LRP1B: variants seen among roughly 807,000 people sequenced by gnomAD.
The protein encoded by LRP1B is low-density lipoprotein receptor-related protein 1B.
In LRP1B, 217 loss-of-function variants were observed where a neutral mutation model predicts 556.6. The ratio of observed to expected loss-of-function variants is 0.39; its 90% CI spans 0.35 to 0.44. LRP1B has a LOEUF of 0.44. Among genes scored for constraint, LRP1B ranks in the 20% least tolerant of loss-of-function variants. The probability of loss-of-function intolerance (pLI) is 1.00; values close to 1 mark genes in which losing one functional copy is unlikely to be tolerated. For synonymous variants in LRP1B, 2,047 were observed against 1,865.8 expected (o/e 1.10, Z -2.50); for missense variants, 5,053 against 5,620.8 (o/e 0.90, Z 3.23).
In LRP1B at chr2:141,577,250, C is replaced by T. The variant is rs76483564; in HGVS notation, c.206-96717G>A. Among the ~76,000 whole-genome samples the T allele has an allele frequency of 2.9e-3, 440 of 152,168 alleles. 2 individuals carry two copies. The highest frequency in any genetic ancestry group is 0.01 in the African/African-American group (420 of 41,528). On this transcript the variant is annotated intron_variant, in intron 2 of 90. Coordinates refer to ENST00000389484, the MANE Select transcript of LRP1B (RefSeq NM_018557.3). Reference sequence around the variant, plus strand: ...GGATGAAAACATCCTAGAAGAATGACTTGGTTTTTGTCTGTGTGTTGTTTC... The same window carrying T: ...GGATGAAAACATCCTAGAAGAATGATTTGGTTTTTGTCTGTGTGTTGTTTC...
At chr2:140,438,481 A>G (rs1401119) in intron 66 of LRP1B, among the ~76,000 whole-genome samples, 1,865 of 152,340 alleles carry the variant, frequency 0.012, 36 homozygotes, top group African/African-American at 0.042. Flanking sequence ...TAACTTATAA[A>G]TGTAAGCTTA....
chr2:141,492,094 C>T (rs146756762), intron 2 of LRP1B, among the ~76,000 whole-genome samples: 9,591 of 27,978 alleles, frequency 0.34, 570 homozygotes, highest in South Asian at 0.43. Flanking sequence ...AAAAAAAACA[C>T]TAAGAAAACC....
chr2:140,492,163 T>C (rs973798106), intron 57 of LRP1B, among the ~76,000 whole-genome samples: 12 of 152,208 alleles, frequency 7.9e-5, no homozygotes, highest in Admixed American at 2.0e-4. Flanking sequence ...TCCTACTAGC[T>C]AGTGAATATT....
At chr2:141,525,635 C>T (rs1401616914) in intron 2 of LRP1B, among the ~76,000 whole-genome samples, 2 of 151,980 alleles carry the variant, frequency 1.3e-5, no homozygotes, top group Non-Finnish European at 2.9e-5. Context: ...AGAACAATTA[C>T]ACTGGACTGG....
In LRP1B at chr2:140,509,925, T is replaced by C. The variant is rs2104916685; in HGVS notation, c.8398+3A>G. 6.2e-7 allele frequency: 1 copy of C among 1,612,802 alleles called. No homozygotes were observed. The highest frequency in any genetic ancestry group is 8.5e-7 in the Non-Finnish European group (1 of 1,179,684). On this transcript the variant is annotated splice_donor_region_variant and intron_variant, in intron 52 of 90. Coordinates refer to ENST00000389484, the MANE Select transcript of LRP1B (RefSeq NM_018557.3). ...GACATGCAGCCCTGGCCAGTGTTCA[T>C]ACCGCAGCCTGCTGTGGAAAGCTCA...
intron 35 of LRP1B, among the ~76,000 whole-genome samples, chr2:140,761,195 T>C (rs1688908467): frequency 6.6e-6 from 1 of 152,184 alleles, no homozygotes; most frequent in African/African-American, 2.4e-5. Context: ...CCATAAACTT[T>C]TACATTAATA....
chr2:140,598,882 A>G (rs1682547105), intron 42 of LRP1B, 47 bp from the exon 43 acceptor site: 3 of 1,287,066 alleles, frequency 2.3e-6, no homozygotes, highest in Non-Finnish European at 3.3e-6. Flanking sequence ...TCTCATCAAG[A>G]GTAAAAATAC....
At chr2:140,707,873 G>C (rs1401626578) in intron 37 of LRP1B, among the ~76,000 whole-genome samples, 1 of 152,052 alleles carries the variant, frequency 6.6e-6, no homozygotes, top group Admixed American at 6.6e-5. Flanking sequence ...AGAACCCTGT[G>C]CTAAAAGGAT....
chr2:140,566,946 C>A (rs565977163), intron 43 of LRP1B, among the ~76,000 whole-genome samples: 44 of 152,202 alleles, frequency 2.9e-4, no homozygotes, highest in African/African-American at 1.0e-3. Context: ...CTACCTAGAA[C>A]AATCACACCC....
chr2:141,433,591 T>C (rs1432837759), intron 3 of LRP1B, among the ~76,000 whole-genome samples: 3 of 152,170 alleles, frequency 2.0e-5, no homozygotes, highest in Non-Finnish European at 4.4e-5. Flanking sequence ...ACTTTGAACA[T>C]GTCATTTCAC....
At chr2:141,210,049 G>C (rs1419889571) in intron 6 of LRP1B, among the ~76,000 whole-genome samples, 1 of 149,214 alleles carries the variant, frequency 6.7e-6, no homozygotes, top group Non-Finnish European at 1.5e-5. Context: ...AAACCTATAA[G>C]TCACAAGATG....
chr2:140,967,799 A>G (rs1696278797), intron 18 of LRP1B, among the ~76,000 whole-genome samples: 1 of 151,884 alleles, frequency 6.6e-6, no homozygotes. Context: ...TGAAATAATC[A>G]TGTGTTTTTT....
chr2:141,149,684 T>A (rs951710663), intron 7 of LRP1B, among the ~76,000 whole-genome samples: 1 of 152,174 alleles, frequency 6.6e-6, no homozygotes, highest in African/African-American at 2.4e-5. Context: ...TCGGCTTCAG[T>A]CTTTGCTTCC....
rs142889472 is a variant in LRP1B at position 140,815,474 on chromosome 2, A to AT, written c.5210-1669dup. Reference sequence around the variant, plus strand: ...GGTGTGAGCCACCTCGCCTAGTTCTATTTTTTTTTCTTTTTCTTTTAGTGA... The same window carrying AT: ...GGTGTGAGCCACCTCGCCTAGTTCTATTTTTTTTTTCTTTTTCTTTTAGTGA... On this transcript the variant is annotated intron_variant, in intron 31 of 90. Transcript: ENST00000389484. Among the ~76,000 whole-genome samples, 1,023 of 150,834 alleles carry AT rather than the reference A, an allele frequency of 6.8e-3. 15 individuals are homozygous for AT. The highest frequency in any genetic ancestry group is 0.023 in the African/African-American group (954 of 41,066).
At chr2:141,602,077 G>A (rs781527133) in intron 2 of LRP1B, among the ~76,000 whole-genome samples, 6 of 152,002 alleles carry the variant, frequency 3.9e-5, no homozygotes, top group African/African-American at 9.7e-5. Flanking sequence ...CTACCATGCC[G>A]TCTATCATCC....
chr2:140,280,557 A>G (rs987438565), intron 84 of LRP1B, among the ~76,000 whole-genome samples: 5 of 151,776 alleles, frequency 3.3e-5, no homozygotes, highest in African/African-American at 7.2e-5. Context: ...GCCTTATTGT[A>G]TACTAGGAAC....
At chr2:141,735,503 G>GTTTTTTT (rs5834863) in intron 2 of LRP1B, among the ~76,000 whole-genome samples, 1 of 126,174 alleles carries the variant, frequency 7.9e-6, no homozygotes. Context: ...CAGCAAACAT[G>GTTTTTTT]TTTTTTTTTT....
intron 2 of LRP1B, among the ~76,000 whole-genome samples, chr2:141,630,782 T>C (rs1688879193): frequency 6.6e-6 from 1 of 152,262 alleles, no homozygotes; most frequent in Non-Finnish European, 1.5e-5. Context: ...TAAGTCATGT[T>C]TGAATCACTC....
chr2:140,602,316 G>A (rs972650841), intron 41 of LRP1B, among the ~76,000 whole-genome samples: 8 of 151,970 alleles, frequency 5.3e-5, no homozygotes, highest in Non-Finnish European at 1.0e-4. Context: ...AAGTGACAAG[G>A]TGAAAAACAA....
Sources: allele counts gnomAD v4.1 joint callset (sites outside exome capture counted in the v4.1 genomes callset), GRCh38; gene constraint gnomAD v4.1.1; transcripts MANE v1.5; gene names NCBI Gene and HGNC (gene_info 2026-07-23, HGNC 2026-07-21).